ANKRD33B: variants seen among roughly 807,000 people sequenced by gnomAD.
ANKRD33B encodes ankyrin repeat domain 33B, also known as ankyrin repeat domain-containing protein 33B.
ANKRD33B carries 6 observed loss-of-function variants against 21.5 expected under a neutral mutation model. The observed-to-expected ratio is 0.28, with a 90% CI of 0.15 to 0.55. The LOEUF (loss-of-function observed/expected upper bound fraction) is 0.55, where lower values mean the gene tolerates loss of function less well. Ranked by LOEUF, ANKRD33B falls within the 20% of genes least tolerant of loss-of-function variation. The probability of loss-of-function intolerance (pLI) is 0.94; values close to 1 mark genes in which losing one functional copy is unlikely to be tolerated. For missense variants in ANKRD33B, 698 were observed against 747.2 expected (o/e 0.93, Z 0.77); for synonymous variants, 347 against 342.4 (o/e 1.01, Z -0.15).
intron 3 of ANKRD33B, among the ~76,000 whole-genome samples, chr5:10,640,063 C>T (rs374370553): frequency 2.2e-4 from 9 of 41,464 alleles, no homozygotes; most frequent in Admixed American, 2.0e-3. Flanking sequence ...TGATGTTAGG[C>T]GGTGACGTGG....
At chr5:10,627,205 G>A (rs746311011) in intron 2 of ANKRD33B, 1 of 152,066 alleles carries the variant, frequency 6.6e-6, no homozygotes, top group Non-Finnish European at 1.5e-5. Context: ...TTTCACCACC[G>A]CTCCACTAAC....
chr5:10,640,495 CAAT>C (rs1450112799), intron 3 of ANKRD33B, among the ~76,000 whole-genome samples: 3 of 152,216 alleles, frequency 2.0e-5, no homozygotes, highest in African/African-American at 7.2e-5. Context: ...GAAATAGAAT[CAAT>C]GATCATCCTT....
intron 2 of ANKRD33B, among the ~76,000 whole-genome samples, chr5:10,623,741 G>A (rs370564412): frequency 4.6e-5 from 7 of 152,310 alleles, no homozygotes; most frequent in African/African-American, 1.7e-4. Context: ...TAGCAGGATC[G>A]GGTGGCCGGG....
chr5:10,639,009 C>G (rs565357604), intron 3 of ANKRD33B, among the ~76,000 whole-genome samples: 549 of 10,418 alleles, frequency 0.053, 6 homozygotes, highest in African/African-American at 0.064. Context: ...CGATGTTAGG[C>G]GGTGACGCGG....
intron 1 of ANKRD33B, among the ~76,000 whole-genome samples, chr5:10,587,513 A>T (rs1488404744): frequency 6.6e-6 from 1 of 151,520 alleles, no homozygotes; most frequent in Non-Finnish European, 1.5e-5. Context: ...TTGAATAGTA[A>T]TATTTATTAG....
intron 3 of ANKRD33B, among the ~76,000 whole-genome samples, chr5:10,641,208 GTCTTCT>G (rs554853704): frequency 0.017 from 2,026 of 121,898 alleles, 69 homozygotes; most frequent in African/African-American, 0.054. Flanking sequence ...GTTGTCCCCA[GTCTTCT>G]TCTTCTTCTT....
At chr5:10,589,238 C>A (rs781588895) in intron 1 of ANKRD33B, among the ~76,000 whole-genome samples, 1 of 151,782 alleles carries the variant, frequency 6.6e-6, no homozygotes, top group Non-Finnish European at 1.5e-5. Context: ...CGTTCCCCAC[C>A]TGCTGGTCGA....
intron 1 of ANKRD33B, among the ~76,000 whole-genome samples, chr5:10,575,606 C>T (rs1230765344): frequency 6.6e-6 from 1 of 152,124 alleles, no homozygotes; most frequent in Non-Finnish European, 1.5e-5. Flanking sequence ...CAGAGCATGG[C>T]TAACACCATC....
intron 1 of ANKRD33B, among the ~76,000 whole-genome samples, chr5:10,613,676 A>G (rs1038076717): frequency 1.3e-5 from 2 of 152,080 alleles, no homozygotes; most frequent in Non-Finnish European, 2.9e-5. Flanking sequence ...CAAGGAGGGC[A>G]GATCACAAGG....
intron 1 of ANKRD33B, among the ~76,000 whole-genome samples, chr5:10,605,003 G>A (rs1193458558): frequency 2.0e-5 from 3 of 152,216 alleles, no homozygotes; most frequent in African/African-American, 4.8e-5. Flanking sequence ...TGGGATGCTG[G>A]CTGTGGCTGT....
chr5:10,582,446 AG>A (rs1302628165), intron 1 of ANKRD33B, among the ~76,000 whole-genome samples: 2 of 152,176 alleles, frequency 1.3e-5, no homozygotes, highest in Non-Finnish European at 2.9e-5. Context: ...GTCTCACTTA[AG>A]CAAGTGCTAT....
intron 1 of ANKRD33B, 91 bp downstream of exon 1, chr5:10,564,924 C>G: frequency 1.4e-6 from 2 of 1,406,962 alleles, no homozygotes; most frequent in South Asian, 1.5e-5. Flanking sequence ...GCTCCTGGCT[C>G]CGGACCGGTC....
chr5:10,571,153 G>A (rs1219044262), intron 1 of ANKRD33B, among the ~76,000 whole-genome samples: 4 of 152,012 alleles, frequency 2.6e-5, no homozygotes, highest in African/African-American at 9.7e-5. Context: ...TGGAGAGAGG[G>A]CTCTGCTGCG....
intron 1 of ANKRD33B, among the ~76,000 whole-genome samples, chr5:10,592,780 C>T (rs1360121140): frequency 6.6e-6 from 1 of 152,164 alleles, no homozygotes; most frequent in African/African-American, 2.4e-5. Flanking sequence ...CCCCTCCCTG[C>T]CAGTTGCAAC....
chr5:10,616,558 C>A (rs1277211447), intron 1 of ANKRD33B, among the ~76,000 whole-genome samples: 1 of 81,586 alleles, frequency 1.2e-5, no homozygotes, highest in African/African-American at 5.8e-5. Context: ...GAGTGAAACT[C>A]TGTCTCAAAA....
intron 1 of ANKRD33B, among the ~76,000 whole-genome samples, chr5:10,606,139 A>C (rs1736040806): frequency 6.6e-6 from 1 of 152,248 alleles, no homozygotes; most frequent in Non-Finnish European, 1.5e-5. Context: ...GAGGGAATAC[A>C]GTTGAACAAA....
intron 1 of ANKRD33B, among the ~76,000 whole-genome samples, chr5:10,585,469 A>G (rs1735533152): frequency 6.6e-6 from 1 of 152,198 alleles, no homozygotes; most frequent in African/African-American, 2.4e-5. Flanking sequence ...CCATTTGACA[A>G]AGGGAGTTTA....
chr5:10,566,093 G>A (rs897677249), intron 1 of ANKRD33B, among the ~76,000 whole-genome samples: 1 of 152,188 alleles, frequency 6.6e-6, no homozygotes, highest in African/African-American at 2.4e-5. Context: ...CCCACAACAC[G>A]TGGGAATTCA....
At chr5:10,632,937 G>A (rs568614180) in intron 2 of ANKRD33B, among the ~76,000 whole-genome samples, 24 of 151,906 alleles carry the variant, frequency 1.6e-4, no homozygotes, top group Admixed American at 4.6e-4. Context: ...ACAGGCACCC[G>A]CCACCACTCC....
Sources: gnomAD v4.1 joint callset for allele counts (sites outside exome capture counted in the v4.1 genomes callset) on GRCh38, gnomAD v4.1.1 for gene constraint, MANE v1.5 for transcripts, NCBI Gene and HGNC (gene_info 2026-07-23, HGNC 2026-07-21) for gene names.